P2RY6: variants seen among roughly 807,000 people sequenced by gnomAD.
P2RY6 encodes pyrimidinergic receptor P2Y6.
Under a neutral mutation model 16.3 loss-of-function variants are expected in P2RY6, and 19 were observed. The ratio of observed to expected loss-of-function variants is 1.16; its 90% CI spans 0.81 to 1.71. The LOEUF (loss-of-function observed/expected upper bound fraction) is 1.71, where lower values mean the gene tolerates loss of function less well. Ranked by LOEUF, P2RY6 falls within the 40% of genes most tolerant of loss-of-function variation. P2RY6 has a pLI of 0.00. For synonymous variants in P2RY6, 184 were observed against 201.5 expected, an observed-to-expected ratio of 0.91 and a Z score of 0.74; for missense variants, 389 against 455.5, an observed-to-expected ratio of 0.85 and a Z score of 1.33.
rs1255499289 is a variant in P2RY6 at position 73,272,341 on chromosome 11, C to T, written c.-246C>T. 1.0e-6 allele frequency: 1 copy of T among 985,562 alleles called. No homozygotes were observed. 61.1% of individuals were successfully genotyped at this position (985,562 alleles called of 1,614,324 possible). ...TTTCCTCATCTGCTGCCTCTCCAGACTTCTGCCAGAACATTGCACGCGACA... is the reference window on the plus strand; with the variant it reads ...TTTCCTCATCTGCTGCCTCTCCAGATTTCTGCCAGAACATTGCACGCGACA... On this transcript the variant is annotated 5_prime_UTR_variant, in exon 1 of 3. Transcript: ENST00000540124.
intron 1 of P2RY6, among the ~76,000 whole-genome samples, chr11:73,285,147 T>C (rs1863918921): frequency 6.6e-6 from 1 of 152,222 alleles, no homozygotes; most frequent in South Asian, 2.1e-4. Context: ...CATAGCTCAC[T>C]GCAGCCTTGG....
At chr11:73,281,629 A>T (rs904798877) in intron 1 of P2RY6, among the ~76,000 whole-genome samples, 4 of 152,170 alleles carry the variant, frequency 2.6e-5, no homozygotes, top group African/African-American at 9.6e-5. Context: ...TCCACCCCTC[A>T]CCAGCTGAGT....
chr11:73,279,642 C>T (rs1863678293), intron 1 of P2RY6, among the ~76,000 whole-genome samples: 1 of 152,228 alleles, frequency 6.6e-6, no homozygotes. Context: ...AAGCACCAGT[C>T]TTCCATGGTC....
chr11:73,267,110 T>C (rs2135676118), intron 1 of P2RY6, among the ~76,000 whole-genome samples: 1 of 152,266 alleles, frequency 6.6e-6, no homozygotes, highest in Admixed American at 6.5e-5. Context: ...AACTCCAACT[T>C]TCTACACTCC....
intron 1 of P2RY6, among the ~76,000 whole-genome samples, chr11:73,276,880 T>C (rs895187379): frequency 6.6e-6 from 1 of 152,228 alleles, no homozygotes; most frequent in African/African-American, 2.4e-5. Flanking sequence ...ATGTCTTAAT[T>C]TTGTTTAAAT....
At chr11:73,290,665 C>T (rs538666266) in intron 1 of P2RY6, among the ~76,000 whole-genome samples, 1 of 152,272 alleles carries the variant, frequency 6.6e-6, no homozygotes, top group Non-Finnish European at 1.5e-5. Context: ...CCTCTTCAGC[C>T]TTGTTATGTG....
intron 1 of P2RY6, among the ~76,000 whole-genome samples, chr11:73,280,786 G>A (rs1299439645): frequency 6.6e-6 from 1 of 152,212 alleles, no homozygotes; most frequent in East Asian, 1.9e-4. Flanking sequence ...TCAGAGTCCA[G>A]CAGGTCGCGT....
At chr11:73,271,402 C>T (rs953243367), upstream of P2RY6, 2 of 152,212 alleles carry the variant, frequency 1.3e-5, no homozygotes, top group Non-Finnish European at 2.9e-5. Flanking sequence ...ATCTTAAAAT[C>T]TGAGCTCGTC....
intron 1 of P2RY6, among the ~76,000 whole-genome samples, chr11:73,294,311 C>T (rs1471003010): frequency 1.3e-5 from 2 of 152,190 alleles, no homozygotes; most frequent in Non-Finnish European, 2.9e-5. Flanking sequence ...TATCTGTATC[C>T]CCATATCTCC....
At chr11:73,289,439 G>T (rs1362187978) in intron 1 of P2RY6, 2 of 152,402 alleles carry the variant, frequency 1.3e-5, no homozygotes, top group Non-Finnish European at 2.9e-5. Flanking sequence ...CGACCAGGGT[G>T]AGGACCTGAG....
rs1392112063 is a variant in P2RY6, at chr11:73,297,349, G to A, written c.831G>A (p.Glu277=). 5 of 1,612,400 alleles carry A rather than the reference G, an allele frequency of 3.1e-6. No individual in the cohort carries two copies. In the South Asian group the frequency reaches 4.4e-5, roughly 14 times the overall value. Residue 277 remains glutamate (E), a synonymous_variant, in exon 3 of 3, where the codon GAG becomes GAA. Coordinates refer to ENST00000540124, the MANE Select transcript of P2RY6 (RefSeq NM_001277204.2). The part of the protein sequence containing the change: ...STPGVPCTVL[E]AFAAAYKGTR... ...CGGGCGTCCCCTGCACTGTATTGGA[G>A]GCCTTTGCAGCGGCCTACAAAGGCA... is the stretch of plus-strand genomic sequence containing the variant.
chr11:73,297,794 C>A lies in P2RY6; in HGVS notation c.*289C>A. 4.4e-6 allele frequency: 2 copies of A among 450,200 alleles called. No individual in the cohort carries two copies. The highest frequency in any genetic ancestry group is 8.3e-6 in the Non-Finnish European group (2 of 242,052). 27.9% of individuals were successfully genotyped at this position (450,200 alleles called of 1,614,324 possible). The stretch of plus-strand genomic sequence containing the variant: ...AGGTGCTCACAAAAATACAGTGTGA[C>A]GTGTACTGTCATCAAGGGGTATGCT... On this transcript the variant is annotated 3_prime_UTR_variant, in exon 3 of 3. Transcript: ENST00000540124.
In P2RY6 at chr11:73,272,414, G is replaced by T; in HGVS notation, c.-173G>T. 1.0e-6 allele frequency: 1 copy of T among 985,534 alleles called. No individual in the cohort carries two copies. The highest frequency in any genetic ancestry group is 1.2e-6 in the Non-Finnish European group (1 of 829,982). 61.0% of individuals were successfully genotyped at this position (985,534 alleles called of 1,614,324 possible). A position where few individuals can be genotyped will look rare whatever the true frequency, so the allele number is the denominator to read the frequency against. ...GCAGCAGGGGCTGCTCCACGAGTGGGAATTTGCTCCAGCACTTCACGGACT... is the reference window on the plus strand; with the variant it reads ...GCAGCAGGGGCTGCTCCACGAGTGGTAATTTGCTCCAGCACTTCACGGACT... On this transcript the variant is annotated 5_prime_UTR_variant, in exon 1 of 3. Transcript: ENST00000540124.
intron 2 of P2RY6, 118 bp from the exon 3 acceptor site, chr11:73,296,367 G>A (rs1864481209): frequency 2.8e-5 from 23 of 822,646 alleles, no homozygotes; most frequent in South Asian, 2.0e-4. Flanking sequence ...TAGAGTAGCC[G>A]AGTTGACAAA....
At chr11:73,284,401 G>A (rs1362006122) in intron 1 of P2RY6, among the ~76,000 whole-genome samples, 4 of 152,128 alleles carry the variant, frequency 2.6e-5, no homozygotes, top group African/African-American at 9.7e-5. Context: ...GGGCCCTGGT[G>A]CAGAGGGAGT....
rs375618403 is a variant in P2RY6, at chr11:73,294,619, C to T, written c.-120-1111C>T. 1.4e-4 allele frequency among the ~76,000 whole-genome samples: 22 copies of T among 152,354 alleles called. No homozygotes were observed. In the South Asian group the frequency reaches 4.1e-3, roughly 29 times the overall value. On this transcript the variant is annotated intron_variant, in intron 1 of 2. Coordinates refer to ENST00000540124, the MANE Select transcript of P2RY6 (RefSeq NM_001277204.2). ...AAGAATCTTTGATAACTGAGAGTGA[C>T]ATGGGATGTGGGCTGCAGACTATAG...
intron 1 of P2RY6, among the ~76,000 whole-genome samples, chr11:73,273,463 T>C (rs112832783): frequency 7.2e-5 from 11 of 152,076 alleles, no homozygotes; most frequent in African/African-American, 2.2e-4. Context: ...CAGCTTCCAG[T>C]GTATGTGTGT....
At chr11:73,283,545 G>T (rs1020164362) in intron 1 of P2RY6, among the ~76,000 whole-genome samples, 1 of 152,204 alleles carries the variant, frequency 6.6e-6, no homozygotes, top group Non-Finnish European at 1.5e-5. Context: ...TCAGTGGCCT[G>T]TTTTCTCCCC....
In P2RY6 at chr11:73,297,307, GGCAGTGCGCTCGAC is replaced by G; in HGVS notation, c.792_805del (p.Val265GlyfsTer45). Reference sequence around the variant, plus strand: ...TTCACATCACCAAGACAGCCTACCTGGCAGTGCGCTCGACGCCGGGCGTCCCCTGCACTGTATTG... The same window carrying G: ...TTCACATCACCAAGACAGCCTACCTGGCCGGGCGTCCCCTGCACTGTATTG... On this transcript the variant is annotated frameshift_variant, in exon 3 of 3. Coordinates refer to ENST00000540124, the MANE Select transcript of P2RY6 (RefSeq NM_001277204.2). LOFTEE classifies it high-confidence loss of function. 3 of 1,609,700 alleles carry G rather than the reference GGCAGTGCGCTCGAC, an allele frequency of 1.9e-6. No homozygotes were observed. Among genetic ancestry groups the G allele is most frequent in the Non-Finnish European group, 2.5e-6 (3 of 1,178,650 alleles).
Sources: allele counts gnomAD v4.1 joint callset (sites outside exome capture counted in the v4.1 genomes callset), GRCh38; gene constraint gnomAD v4.1.1; transcripts MANE v1.5; gene names NCBI Gene and HGNC (gene_info 2026-07-23, HGNC 2026-07-21).